SYMPK: variants seen among roughly 807,000 people sequenced by gnomAD.
SYMPK encodes symplekin scaffold protein, also known as symplekin.
In SYMPK, 49 loss-of-function variants were observed where a neutral mutation model predicts 136.4. The ratio of observed to expected loss-of-function variants is 0.36; its 90% CI spans 0.29 to 0.46. The LOEUF (loss-of-function observed/expected upper bound fraction) is 0.46, where lower values mean the gene tolerates loss of function less well. SYMPK is among the 20% of genes least tolerant of loss of function. The pLI, the probability that SYMPK is intolerant of heterozygous loss-of-function variation, is 1.00. For synonymous variants in SYMPK, 766 were observed against 713.0 expected (o/e 1.07, Z -1.19); for missense variants, 1,365 against 1,690.0 (o/e 0.81, Z 3.37).
chr19:45,833,847 C>T lies in SYMPK; in HGVS notation c.1393+1231G>A, dbSNP rs188423583. On this transcript the variant is annotated intron_variant, in intron 11 of 26. Transcript: ENST00000245934. ...GGCAGTCAAAACATCATTTCATGAA[C>T]AAAATTATTAAGAAATATTACAGGT... Among the ~76,000 whole-genome samples the T allele has an allele frequency of 8.3e-3, 1,265 of 152,292 alleles. 6 individuals are homozygous for T. Among genetic ancestry groups the T allele is most frequent in the Non-Finnish European group, 0.014 (959 of 68,018 alleles).
rs898059649 is a variant in SYMPK, at chr19:45,816,097, C to T, written c.3441G>A (p.Lys1147=). 70 of 1,556,958 alleles carry T rather than the reference C, an allele frequency of 4.5e-5. No individual in the cohort carries two copies. Among genetic ancestry groups the T allele is most frequent in the Non-Finnish European group, 5.8e-5 (67 of 1,150,508 alleles). The change falls in exon 26 of 27, where the codon AAG becomes AAA. Residue 1147 remains lysine (K), a synonymous_variant. Transcript: ENST00000245934. ...CCTCCTCCAGCTGCCGCTTTAAGGC[C>T]TTCTCCTGGGCCAGTCGCAGGCCGA... ...DLIGLRLAQE[K]ALKRQLEEEQ...
chr19:45,844,051 G>C lies in SYMPK; in HGVS notation c.826C>G (p.Gln276Glu). 6.3e-7 allele frequency: 1 copy of C among 1,592,282 alleles called. No individual in the cohort carries two copies. The highest frequency in any genetic ancestry group is 1.1e-5 in the South Asian group (1 of 87,372). ...CTACCATGCAGAGTTTCATAGGCCT[G>C]GATCACCTCAGACATGAACATGGGT... Reference protein sequence around the residue: ...QRPMFMSEVIQAYETLHANLP... With the variant: ...QRPMFMSEVIEAYETLHANLP... The change falls in exon 8 of 27, where the codon CAG becomes GAG. Residue 276 changes from glutamine to glutamate, a missense_variant. Coordinates refer to ENST00000245934, the MANE Select transcript of SYMPK (RefSeq NM_004819.3).
intron 10 of SYMPK, 106 bp from the exon 11 acceptor site, chr19:45,835,334 T>G: frequency 8.6e-7 from 1 of 1,163,288 alleles, no homozygotes; most frequent in Non-Finnish European, 1.2e-6. Flanking sequence ...AAGACCGACT[T>G]GGGCCTGCTC....
intron 21 of SYMPK, among the ~76,000 whole-genome samples, chr19:45,822,115 C>CTTTTTT (rs141894331): frequency 3.5e-5 from 3 of 86,124 alleles, no homozygotes; most frequent in African/African-American, 4.6e-5. Flanking sequence ...AGTTTTGCTT[C>CTTTTTT]TTTTTTTTTT....
In SYMPK at chr19:45,821,542, A is replaced by G. The variant is rs1970896126; in HGVS notation, c.2792-57T>C. Reference sequence around the variant, plus strand: ...ACAGTGCGGACGCATAAGTGAAGAGATGGGTCTGAGTTCCCCAGATCGGGG... The same window carrying G: ...ACAGTGCGGACGCATAAGTGAAGAGGTGGGTCTGAGTTCCCCAGATCGGGG... On this transcript the variant is annotated intron_variant, in intron 21 of 26. Coordinates refer to ENST00000245934, the MANE Select transcript of SYMPK (RefSeq NM_004819.3). The surrounding 1 kb of genome is among the most constrained non-coding windows in gnomAD (Gnocchi z 4.4). The G allele has an allele frequency of 8.0e-7, 1 of 1,249,908 alleles. No homozygotes were observed. The highest frequency in any genetic ancestry group is 1.9e-5 in the Admixed American group (1 of 53,060). 77.4% of individuals were successfully genotyped at this position (1,249,908 alleles called of 1,614,324 possible).
intron 9 of SYMPK, among the ~76,000 whole-genome samples, chr19:45,839,859 C>T (rs759157008): frequency 1.4e-5 from 2 of 147,384 alleles, no homozygotes; most frequent in Non-Finnish European, 3.0e-5. Context: ...AACAAAAAAA[C>T]ACAAAAAAAC....
At chr19:45,862,427 C>G (rs980794270) in intron 1 of SYMPK, 1 of 152,194 alleles carries the variant, frequency 6.6e-6, no homozygotes, top group African/African-American at 2.4e-5. Flanking sequence ...CTGGGCGTCT[C>G]CGGCGTGATT....
chr19:45,841,881 TTTTCA>T (rs1971447540), intron 9 of SYMPK, among the ~76,000 whole-genome samples: 1 of 152,158 alleles, frequency 6.6e-6, no homozygotes, highest in Non-Finnish European at 1.5e-5. Context: ...AGGGATACTA[TTTTCA>T]TTTTATTCCT....
intron 3 of SYMPK, among the ~76,000 whole-genome samples, chr19:45,853,050 C>A (rs937852034): frequency 6.6e-6 from 1 of 152,196 alleles, no homozygotes; most frequent in Non-Finnish European, 1.5e-5. Flanking sequence ...TGGACATCCT[C>A]CAATAAGCAA....
chr19:45,830,336 C>G (rs563499444), intron 12 of SYMPK, 132 bp from the exon 13 acceptor site: 2 of 1,041,494 alleles, frequency 1.9e-6, no homozygotes, highest in East Asian at 2.6e-5. Flanking sequence ...TCTCCAGTTC[C>G]TCTGTGTCTC....
Position 45,821,492 on chromosome 19 carries a change from C to T in SYMPK, c.2792-7G>A, listed in dbSNP as rs373729568. The stretch of plus-strand genomic sequence containing the variant: ...AAGGCTGAGTTTCCCTCACCTGCAG[C>T]AGGCGGGAGGAAGGGTGGGGGAAGA... On this transcript the variant is annotated splice_polypyrimidine_tract_variant and splice_region_variant and intron_variant, in intron 21 of 26. Coordinates refer to ENST00000245934, the MANE Select transcript of SYMPK (RefSeq NM_004819.3). This position sits in a 1 kb window ranked among gnomAD's most constrained non-coding sequence, Gnocchi z 4.4. 5.0e-6 allele frequency: 8 copies of T among 1,607,086 alleles called. No individual in the cohort carries two copies. In the African/African-American group the frequency reaches 6.7e-5, roughly 13 times the overall value.
chr19:45,856,331 C>T (rs972665012), intron 1 of SYMPK, among the ~76,000 whole-genome samples: 2 of 151,898 alleles, frequency 1.3e-5, no homozygotes, highest in African/African-American at 2.4e-5. Flanking sequence ...TAAAGACAGA[C>T]TCCATCTCAA....
At chr19:45,831,905 C>T (rs1425154795) in intron 11 of SYMPK, among the ~76,000 whole-genome samples, 1 of 152,142 alleles carries the variant, frequency 6.6e-6, no homozygotes, top group Non-Finnish European at 1.5e-5. Context: ...GCAATCAGGG[C>T]TCACTGCAGT....
Position 45,822,173 on chromosome 19 carries a change from C to T in SYMPK, c.2791+583G>A, listed in dbSNP as rs527420783. On this transcript the variant is annotated intron_variant, in intron 21 of 26. Coordinates refer to ENST00000245934, the MANE Select transcript of SYMPK (RefSeq NM_004819.3). ...TCACTCTGTCATCCAGGCTGGAGTG[C>T]ACTGGCACGATCTCCGCTCACTGCA... Among the ~76,000 whole-genome samples, 13 of 134,344 alleles carry T rather than the reference C, an allele frequency of 9.7e-5. No individual in the cohort carries two copies. In the East Asian group the frequency reaches 2.9e-3, roughly 30 times the overall value. The allele number at this position is 134,344 out of a possible 152,430, so 88.1% of individuals were successfully genotyped here. A position where few individuals can be genotyped will look rare whatever the true frequency, so the allele number is the denominator to read the frequency against.
At chr19:45,831,668 C>G in intron 11 of SYMPK, 80 bp from the exon 12 acceptor site, 1 of 1,231,736 alleles carries the variant, frequency 8.1e-7, no homozygotes, top group South Asian at 1.6e-5. Flanking sequence ...GTGCCTGGCT[C>G]TGTTCTGAGC....
chr19:45,831,626 G>A (rs1971177533), intron 11 of SYMPK, 38 bp from the exon 12 acceptor site: 1 of 1,522,406 alleles, frequency 6.6e-7, no homozygotes, highest in Non-Finnish European at 8.9e-7. Context: ...CAGTGCGTCA[G>A]ACCCACCTGC....
chr19:45,858,279 G>A (rs370319028), intron 1 of SYMPK, among the ~76,000 whole-genome samples: 2 of 152,032 alleles, frequency 1.3e-5, no homozygotes, highest in East Asian at 3.9e-4. Context: ...AAGATTTTAT[G>A]GCATCTGGCC....
intron 9 of SYMPK, among the ~76,000 whole-genome samples, chr19:45,839,712 G>T (rs1971390557): frequency 6.6e-6 from 1 of 152,098 alleles, no homozygotes; most frequent in South Asian, 2.1e-4. Flanking sequence ...GGCACCTGTA[G>T]TCCCAGCTAC....
chr19:45,822,660 GC>G, intron 21 of SYMPK, 95 bp downstream of exon 21: 1 of 975,438 alleles, frequency 1.0e-6, no homozygotes, highest in Admixed American at 1.9e-5. Flanking sequence ...AGCAGGATGT[GC>G]CCTCTCTCCC....
Sources: gnomAD v4.1 joint callset for allele counts (sites outside exome capture counted in the v4.1 genomes callset) on GRCh38, gnomAD v4.1.1 for gene constraint, Gnocchi (gnomAD v3.1) non-coding constraint, MANE v1.5 for transcripts, NCBI Gene and HGNC (gene_info 2026-07-23, HGNC 2026-07-21) for gene names.